Variants in GMEB1 observed in about 807,000 individuals in gnomAD.
The protein encoded by GMEB1 is glucocorticoid modulatory element binding protein 1, also known as glucocorticoid modulatory element-binding protein 1.
In GMEB1, 6 loss-of-function variants were observed where a neutral mutation model predicts 52.4. The observed-to-expected ratio is 0.11, with a 90% CI of 0.06 to 0.23. The LOEUF (loss-of-function observed/expected upper bound fraction) is 0.23. GMEB1 is among the 10% of genes least tolerant of loss of function. The pLI is 1.00. For missense variants in GMEB1, 486 were observed against 685.6 expected (o/e 0.71, Z 3.25); for synonymous variants, 255 against 244.9 (o/e 1.04, Z -0.38).
chr1:28,712,031 A>T (rs1225602827), intron 9 of GMEB1, among the ~76,000 whole-genome samples: 2 of 152,088 alleles, frequency 1.3e-5, no homozygotes, highest in Non-Finnish European at 2.9e-5. Flanking sequence ...GTTGAAGGCA[A>T]ACTGCAAATG....
rs1671303369 is a variant in GMEB1 at position 28,717,363 on chromosome 1, T to C, written c.*2590T>C. Reference sequence around the variant, plus strand: ...CACCACCACGCCCGGGTAATTTTTGTATTTTTAGTAGAGACGGGGTTTTGC... The same window carrying C: ...CACCACCACGCCCGGGTAATTTTTGCATTTTTAGTAGAGACGGGGTTTTGC... On this transcript the variant is annotated 3_prime_UTR_variant, in exon 10 of 10. Coordinates refer to ENST00000373816, the MANE Select transcript of GMEB1 (RefSeq NM_001319674.2). 6.6e-6 allele frequency: 1 copy of C among 152,182 alleles called. No individual in the cohort carries two copies. Among genetic ancestry groups the C allele is most frequent in the Non-Finnish European group, 1.5e-5 (1 of 68,068 alleles). 9.4% of individuals were successfully genotyped at this position (152,182 alleles called of 1,614,324 possible). A position where few individuals can be genotyped will look rare whatever the true frequency, so the allele number is the denominator to read the frequency against.
At chr1:28,697,162 C>CACATATATAT (rs1553137926) in intron 6 of GMEB1, 78 bp downstream of exon 6, 6 of 145,494 alleles carry the variant, frequency 4.1e-5, no homozygotes, top group South Asian at 1.3e-4. Context: ...CTTGTGTGTA[C>CACATATATAT]ATATATATAT....
At position 28,687,383 on chromosome 1, in the gene GMEB1, CACACAA is replaced by C. The variant is rs1308431382; in HGVS notation, c.129-2719_129-2714del. Among the ~76,000 whole-genome samples, 164 of 35,206 alleles carry C rather than the reference CACACAA, an allele frequency of 4.7e-3. 23 individuals are homozygous for C. Among genetic ancestry groups the C allele is most frequent in the African/African-American group, 0.017 (161 of 9,508 alleles). 23.1% of individuals were successfully genotyped at this position (35,206 alleles called of 152,430 possible). A position where few individuals can be genotyped will look rare whatever the true frequency, so the allele number is the denominator to read the frequency against. ...ACACACACACACACACACACACACA[CACACAA>C]AAAAAGACAGTGGAGAATAATGTTC... On this transcript the variant is annotated intron_variant, in intron 2 of 9. Coordinates refer to ENST00000373816, the MANE Select transcript of GMEB1 (RefSeq NM_001319674.2).
chr1:28,701,185 C>A (rs1375569487), intron 6 of GMEB1, among the ~76,000 whole-genome samples: 2 of 151,664 alleles, frequency 1.3e-5, no homozygotes, highest in African/African-American at 4.8e-5. Flanking sequence ...GATTGATATC[C>A]TCCAGTGTGT....
At chr1:28,690,535 GTGGAAAGAAAC>G (rs1638613287) in intron 3 of GMEB1, among the ~76,000 whole-genome samples, 1 of 152,120 alleles carries the variant, frequency 6.6e-6, no homozygotes, top group Admixed American at 6.6e-5. Flanking sequence ...AAGGCAGTCA[GTGGAAAGAAAC>G]TGGAAAGAAA....
intron 1 of GMEB1, among the ~76,000 whole-genome samples, chr1:28,681,409 G>A (rs1278154262): frequency 2.0e-5 from 3 of 152,148 alleles, no homozygotes; most frequent in Non-Finnish European, 4.4e-5. Flanking sequence ...GTGGAGAAGT[G>A]AGCTTTGAAC....
intron 6 of GMEB1, among the ~76,000 whole-genome samples, chr1:28,697,289 A>G (rs1670271967): frequency 1.3e-5 from 2 of 150,414 alleles, no homozygotes; most frequent in Admixed American, 1.3e-4. Flanking sequence ...GCTCACTGCA[A>G]CCTCTGCCTC....
At chr1:28,669,159 G>A (rs1365769241) in intron 1 of GMEB1, among the ~76,000 whole-genome samples, 2 of 147,344 alleles carry the variant, frequency 1.4e-5, no homozygotes, top group African/African-American at 4.9e-5. Context: ...GTCCACCACT[G>A]GGGGGGCCCC....
At position 28,697,039 on chromosome 1, in the gene GMEB1, C is replaced by T. The variant is rs935058434; in HGVS notation, c.553C>T (p.Pro185Ser). The change falls in exon 6 of 10, where the codon CCA (proline) becomes TCA (serine). Residue 185 changes from proline to serine, a missense_variant. By Grantham distance (74) the Pro-to-Ser change is moderately conservative (BLOSUM62 -1). This residue lies in a region of GMEB1 where 200 missense variants were observed against 253.5 expected (regional missense o/e 0.79). Transcript: ENST00000373816. ...GATCAGCAGTGCAAGAGCTCCAGTG[C>T]CAGGACAGCAGACAAGTGTGGTGCA... is the stretch of plus-strand genomic sequence containing the variant. ...LLISSARAPV[P>S]GQQTSVVQTP... 1.2e-6 allele frequency: 2 copies of T among 1,612,302 alleles called. No individual in the cohort carries two copies. The highest frequency in any genetic ancestry group is 1.7e-6 in the Non-Finnish European group (2 of 1,179,204).
rs1570425740 is a variant in GMEB1, at chr1:28,702,506, C to T, written c.667C>T (p.Leu223Phe). ...GGCAGGGCTGGAATGGAACTCAGCTCTCACCGCTGCTGTCACCATGGCCAC... is the reference window on the plus strand; with the variant it reads ...GGCAGGGCTGGAATGGAACTCAGCTTTCACCGCTGCTGTCACCATGGCCAC... Reference protein sequence around the residue: ...EEAGLEWNSALTAAVTMATEE... With the variant: ...EEAGLEWNSAFTAAVTMATEE... The change falls in exon 7 of 10, where the codon CTC (leucine) becomes TTC (phenylalanine). Residue 223 changes from leucine to phenylalanine, a missense_variant. Physicochemically the swap from Leu to Phe is conservative, Grantham distance 22. This residue lies in a region of GMEB1 where 200 missense variants were observed against 253.5 expected (regional missense o/e 0.79). Coordinates refer to ENST00000373816, the MANE Select transcript of GMEB1 (RefSeq NM_001319674.2). 6.2e-7 allele frequency: 1 copy of T among 1,613,614 alleles called. No individual in the cohort carries two copies. The highest frequency in any genetic ancestry group is 8.5e-7 in the Non-Finnish European group (1 of 1,179,624).
intron 6 of GMEB1, among the ~76,000 whole-genome samples, chr1:28,700,952 G>A (rs1358378479): frequency 6.6e-6 from 1 of 152,044 alleles, no homozygotes; most frequent in Non-Finnish European, 1.5e-5. Flanking sequence ...AACATGGATG[G>A]AAAATATGGT....
chr1:28,708,199 C>G (rs1359117104), intron 8 of GMEB1, among the ~76,000 whole-genome samples: 4 of 152,126 alleles, frequency 2.6e-5, no homozygotes, highest in Non-Finnish European at 4.4e-5. Flanking sequence ...ACACCTCGCT[C>G]TATCACCCAG....
chr1:28,678,600 C>T lies in GMEB1; in HGVS notation c.-30-4983C>T, dbSNP rs376584447. ...CTGGGATTACAGGTGCGAGCCACCGCGTCCGTCTCTTTTCTAGTTTTATAT... is the reference window on the plus strand; with the variant it reads ...CTGGGATTACAGGTGCGAGCCACCGTGTCCGTCTCTTTTCTAGTTTTATAT... On this transcript the variant is annotated intron_variant, in intron 1 of 9. Coordinates refer to ENST00000373816, the MANE Select transcript of GMEB1 (RefSeq NM_001319674.2). Among the ~76,000 whole-genome samples the T allele has an allele frequency of 7.9e-5, 12 of 152,050 alleles. 1 individual carries two copies. In the South Asian group the frequency reaches 8.3e-4, roughly 11 times the overall value.
intron 1 of GMEB1, among the ~76,000 whole-genome samples, chr1:28,670,509 A>G (rs7515985): frequency 0.39 from 59,019 of 151,884 alleles, 12,830 homozygotes; most frequent in East Asian, 0.76. Context: ...TGTATTTTTA[A>G]TAGAGACGGG....
intron 2 of GMEB1, among the ~76,000 whole-genome samples, chr1:28,687,385 C>A (rs12406910): frequency 0.81 from 30,318 of 37,350 alleles, 12,449 homozygotes; most frequent in South Asian, 0.85. Context: ...CACACACACA[C>A]ACAAAAAAAG....
At position 28,687,816 on chromosome 1, in the gene GMEB1, G is replaced by A. The variant is rs12405975; in HGVS notation, c.129-2288G>A. Among the ~76,000 whole-genome samples, 384 of 152,072 alleles carry A rather than the reference G, an allele frequency of 2.5e-3. 3 individuals are homozygous for A. The highest frequency in any genetic ancestry group is 0.02 in the Admixed American group (307 of 15,212). Reference sequence around the variant, plus strand: ...ACTGACTATGTGGAGTTGTGAAGGAGGAAATGAAACAAATCTAGTATGATT... The same window carrying A: ...ACTGACTATGTGGAGTTGTGAAGGAAGAAATGAAACAAATCTAGTATGATT... On this transcript the variant is annotated intron_variant, in intron 2 of 9. Transcript: ENST00000373816.
intron 1 of GMEB1, among the ~76,000 whole-genome samples, chr1:28,678,467 G>A (rs896986976): frequency 2.6e-5 from 4 of 151,828 alleles, no homozygotes; most frequent in Non-Finnish European, 5.9e-5. Context: ...CCGCCATCGC[G>A]CCTGGCTAAT....
intron 8 of GMEB1, among the ~76,000 whole-genome samples, chr1:28,708,354 C>A (rs1018600833): frequency 1.3e-5 from 2 of 151,838 alleles, no homozygotes; most frequent in African/African-American, 4.8e-5. Context: ...TTAGTAGAGG[C>A]GGGGTTTCAC....
Position 28,706,977 on chromosome 1 carries a change from G to GTTTTT in GMEB1, c.868+2669_868+2673dup, listed in dbSNP as rs1237383046. Among the ~76,000 whole-genome samples the GTTTTT allele has an allele frequency of 4.5e-4, 37 of 82,772 alleles. 1 individual carries two copies. The highest frequency in any genetic ancestry group is 7.4e-4 in the African/African-American group (13 of 17,636). 54.3% of individuals were successfully genotyped at this position (82,772 alleles called of 152,430 possible). A position where few individuals can be genotyped will look rare whatever the true frequency, so the allele number is the denominator to read the frequency against. On this transcript the variant is annotated intron_variant, in intron 8 of 9. Transcript: ENST00000373816. ...CCACCATGCCTGTCCTCCAGATTTGGTTTTTTTTTTTTTTTTTTTTTTTTT... is the reference window on the plus strand; with the variant it reads ...CCACCATGCCTGTCCTCCAGATTTGGTTTTTTTTTTTTTTTTTTTTTTTTTTTTTT...
Sources: allele counts gnomAD v4.1 joint callset (sites outside exome capture counted in the v4.1 genomes callset), GRCh38; gene constraint gnomAD v4.1.1; regional missense constraint gnomAD v4.1.1; transcripts MANE v1.5; gene names NCBI Gene and HGNC (gene_info 2026-07-23, HGNC 2026-07-21).